The following ATP12A variants were observed in gnomAD, a reference collection of about 807,000 sequenced individuals.
ATP12A encodes ATPase H+/K+ transporting non-gastric alpha2 subunit.
A neutral mutation model predicts 111.2 loss-of-function variants in ATP12A; 81 were observed. The observed-to-expected ratio is 0.73, with a 90% CI of 0.61 to 0.88. ATP12A has a LOEUF of 0.88. Ranked by LOEUF, ATP12A falls within the 40% of genes least tolerant of loss-of-function variation. The pLI is 0.00. For synonymous variants in ATP12A, 498 were observed against 499.8 expected (o/e 1.00, Z 0.05); for missense variants, 1,196 against 1,313.1 (o/e 0.91, Z 1.38).
intron 2 of ATP12A, among the ~76,000 whole-genome samples, chr13:24,683,326 C>T (rs191550521): frequency 1.8e-3 from 272 of 152,268 alleles, no homozygotes; most frequent in Non-Finnish European, 3.2e-3. Context: ...TTGGGAACAC[C>T]GAAGGGGAAA....
chr13:24,707,871 G>C lies in ATP12A; in HGVS notation c.2493+438G>C, dbSNP rs571354900. Among the ~76,000 whole-genome samples the C allele has an allele frequency of 8.2e-4, 125 of 152,054 alleles. 2 individuals carry two copies. The highest frequency in any genetic ancestry group is 2.9e-3 in the African/African-American group (120 of 41,472). On this transcript the variant is annotated intron_variant, in intron 17 of 22. Coordinates refer to ENST00000381946, the MANE Select transcript of ATP12A (RefSeq NM_001676.7). ...TTTTTGTATTTTTAGTAGAGATGGG[G>C]TTTCCTGGCCTCAAGTGATCCACCT...
chr13:24,700,846 G>A lies in ATP12A; in HGVS notation c.1805G>A (p.Gly602Glu). Reference protein sequence around the residue: ...NFPTSNLCFVGLLSMIDPPRS... With the variant: ...NFPTSNLCFVELLSMIDPPRS... ...CCGACCTCCAACCTCTGTTTTGTGGGACTCTTGTCAATGATCGATCCCCCT... is the reference window on the plus strand; with the variant it reads ...CCGACCTCCAACCTCTGTTTTGTGGAACTCTTGTCAATGATCGATCCCCCT... The change falls in exon 13 of 23, where the codon GGA becomes GAA. Residue 602 changes from glycine to glutamate, a missense_variant. By Grantham distance (98) the Gly-to-Glu change is moderately conservative (BLOSUM62 -2). Around this residue, in one of 3 missense-constraint regions of ATP12A, gnomAD observed 1,126 missense variants for 1,228.5 expected, o/e 0.92. Coordinates refer to ENST00000381946, the MANE Select transcript of ATP12A (RefSeq NM_001676.7). The A allele has an allele frequency of 6.2e-7, 1 of 1,614,132 alleles. No individual in the cohort carries two copies. The highest frequency in any genetic ancestry group is 8.5e-7 in the Non-Finnish European group (1 of 1,180,032).
intron 12 of ATP12A, among the ~76,000 whole-genome samples, chr13:24,700,145 G>T (rs1875330260): frequency 1.3e-5 from 2 of 152,182 alleles, no homozygotes; most frequent in Admixed American, 6.5e-5. Flanking sequence ...CTCAGCCTAT[G>T]AGAGGCTGAT....
Position 24,692,893 on chromosome 13 carries a change from G to A in ATP12A, c.1374G>A (p.Met458Ile). ...FKPGQENVPI[M>I]KKAVIGDASE... ...CAGGACAGGAAAATGTCCCCATCATGAAGGTAATGCTTCTGCAGCACTTGG... is the reference window on the plus strand; with the variant it reads ...CAGGACAGGAAAATGTCCCCATCATAAAGGTAATGCTTCTGCAGCACTTGG... The change falls in exon 10 of 23, where the codon ATG becomes ATA. Residue 458 changes from methionine (M) to isoleucine (I), a missense_variant. By Grantham distance (10) the Met-to-Ile change is conservative (BLOSUM62 1). This residue lies in a region of ATP12A where 1,126 missense variants were observed against 1,228.5 expected (regional missense o/e 0.92). Coordinates refer to ENST00000381946, the MANE Select transcript of ATP12A (RefSeq NM_001676.7). The A allele has an allele frequency of 1.2e-6, 2 of 1,613,216 alleles. No homozygotes were observed. The highest frequency in any genetic ancestry group is 1.7e-6 in the Non-Finnish European group (2 of 1,179,148).
intron 6 of ATP12A, 50 bp from the exon 7 acceptor site, chr13:24,690,539 AGCATCAGTATAAGAG>A: frequency 6.2e-7 from 1 of 1,604,136 alleles, no homozygotes; most frequent in Non-Finnish European, 8.5e-7. Context: ...GGTCTTTCCC[AGCATCAGTATAAGAG>A]GCAGGGAATG....
Position 24,692,550 on chromosome 13 carries a change from C to T in ATP12A, c.1190C>T (p.Thr397Ile). 1 of 1,614,194 alleles carries T rather than the reference C, an allele frequency of 6.2e-7. No homozygotes were observed. Among genetic ancestry groups the T allele is most frequent in the Non-Finnish European group, 8.5e-7 (1 of 1,180,046 alleles). ...TGCTCGGACAAGACTGGGACACTGA[C>T]CCAGAACAGGATGACAGTGGCCCAT... Reference protein sequence around the residue: ...IICSDKTGTLTQNRMTVAHLW... With the variant: ...IICSDKTGTLIQNRMTVAHLW... Residue 397 changes from threonine to isoleucine, a missense_variant, in exon 9 of 23, where the codon ACC becomes ATC. Around this residue, in one of 3 missense-constraint regions of ATP12A, gnomAD observed 1,126 missense variants for 1,228.5 expected, o/e 0.92. Coordinates refer to ENST00000381946, the MANE Select transcript of ATP12A (RefSeq NM_001676.7).
At position 24,685,472 on chromosome 13, in the gene ATP12A, T is replaced by A. The variant is rs1874634580; in HGVS notation, c.228+99T>A. On this transcript the variant is annotated intron_variant, in intron 3 of 22. Coordinates refer to ENST00000381946, the MANE Select transcript of ATP12A (RefSeq NM_001676.7). The surrounding 1 kb of genome is among the most constrained non-coding windows in gnomAD (Gnocchi z 5.5). ...GGCTGTGTGGAAGAGTAGCGGCACC[T>A]TTAGGAGGAGGGGCCCCTGCAGCGC... The A allele has an allele frequency of 7.7e-7, 1 of 1,292,312 alleles. No individual in the cohort carries two copies. The highest frequency in any genetic ancestry group is 1.5e-5 in the African/African-American group (1 of 68,228). 80.1% of individuals were successfully genotyped at this position (1,292,312 alleles called of 1,614,324 possible). A position where few individuals can be genotyped will look rare whatever the true frequency, so the allele number is the denominator to read the frequency against.
intron 13 of ATP12A, 75 bp downstream of exon 13, chr13:24,700,997 G>T: frequency 6.6e-7 from 1 of 1,518,646 alleles, no homozygotes; most frequent in Non-Finnish European, 9.0e-7. Context: ...TTTCATAGCA[G>T]ATGGTCAGTA....
chr13:24,706,966 G>T (rs923361528), intron 15 of ATP12A, 57 bp from the exon 16 acceptor site: 7 of 1,519,462 alleles, frequency 4.6e-6, no homozygotes, highest in African/African-American at 1.4e-5. Context: ...CTCTTGCCAG[G>T]CCTGCAACCC....
At chr13:24,711,153 C>T (rs1875949882) in intron 21 of ATP12A, among the ~76,000 whole-genome samples, 165 bp from the exon 22 acceptor site, 1 of 152,236 alleles carries the variant, frequency 6.6e-6, no homozygotes. Context: ...AGTCACAGTG[C>T]AGGTTAAACA....
At chr13:24,690,885 C>T in intron 7 of ATP12A, 97 bp from the exon 8 acceptor site, 1 of 1,523,298 alleles carries the variant, frequency 6.6e-7, no homozygotes, top group East Asian at 2.3e-5. Context: ...ATGTGGTGTG[C>T]CTATCGATTG....
At chr13:24,706,194 A>G (rs1283067841) in intron 14 of ATP12A, 119 bp from the exon 15 acceptor site, 21 of 1,347,548 alleles carry the variant, frequency 1.6e-5, no homozygotes, top group Admixed American at 1.2e-4. Flanking sequence ...AGCATTAGGT[A>G]TCAAGGACAC....
Position 24,698,807 on chromosome 13 carries a change from C to T in ATP12A, c.1662C>T (p.His554=). The T allele has an allele frequency of 6.2e-7, 1 of 1,614,074 alleles. No individual in the cohort carries two copies. Among genetic ancestry groups the T allele is most frequent in the South Asian group, 1.1e-5 (1 of 91,082 alleles). Residue 554 remains histidine, a synonymous_variant, in exon 12 of 23, where the codon CAC becomes CAT. Coordinates refer to ENST00000381946, the MANE Select transcript of ATP12A (RefSeq NM_001676.7). ...ACAAGAGCACTGCCAAGACCTTCCA[C>T]ACAGCCTACATGGAGCTGGGCGGGT... ...PLDKSTAKTF[H]TAYMELGGLG... is the part of the protein sequence containing the mutation.
chr13:24,698,038 A>AT (rs568879574), intron 11 of ATP12A, among the ~76,000 whole-genome samples: 26 of 151,806 alleles, frequency 1.7e-4, no homozygotes, highest in East Asian at 1.2e-3. Flanking sequence ...TTGTATATCG[A>AT]TTTTTTTTGC....
In ATP12A at chr13:24,706,460, G is replaced by A; in HGVS notation, c.2166G>A (p.Arg722=). ...TGATCATTGTGGAGGGCTGTCAGAG[G>A]CAGGTGGGTGGACAGCAGTGTCCAG... ...QKLIIVEGCQ[R]QDAVVAVTGD... Residue 722 remains arginine (R), a synonymous_variant, in exon 15 of 23, where the codon AGG becomes AGA. Transcript: ENST00000381946. The A allele has an allele frequency of 6.2e-7, 1 of 1,613,656 alleles. No individual in the cohort carries two copies. Among genetic ancestry groups the A allele is most frequent in the Non-Finnish European group, 8.5e-7 (1 of 1,179,722 alleles).
chr13:24,696,304 A>G (rs955497737), intron 11 of ATP12A, among the ~76,000 whole-genome samples: 1 of 152,120 alleles, frequency 6.6e-6, no homozygotes, highest in African/African-American at 2.4e-5. Flanking sequence ...CTGAAGCTCC[A>G]TCTCCCAAGG....
chr13:24,681,917 T>A (rs1874453506), intron 2 of ATP12A, among the ~76,000 whole-genome samples, 197 bp downstream of exon 2: 1 of 141,204 alleles, frequency 7.1e-6, no homozygotes, highest in African/African-American at 2.7e-5. Context: ...TGTGTGTATG[T>A]GTGGTGTGTC....
At position 24,708,958 on chromosome 13, in the gene ATP12A, AAAGAAGG is replaced by A. The variant is rs1442752247; in HGVS notation, c.2494-403_2494-397del. On this transcript the variant is annotated intron_variant, in intron 17 of 22. Coordinates refer to ENST00000381946, the MANE Select transcript of ATP12A (RefSeq NM_001676.7). Reference sequence around the variant, plus strand: ...GAAAGAAAGAAAGAAAGAAAGAAAGAAAGAAGGAAAGAGAAAGAGAAATGAATGCAAA... The same window carrying A: ...GAAAGAAAGAAAGAAAGAAAGAAAGAAAAGAGAAAGAGAAATGAATGCAAA... 3.0e-3 allele frequency among the ~76,000 whole-genome samples: 335 copies of A among 111,430 alleles called. 8 individuals carry two copies. The highest frequency in any genetic ancestry group is 9.1e-3 in the African/African-American group (294 of 32,336). The allele number at this position is 111,430 out of a possible 152,430, so 73.1% of individuals were successfully genotyped here. A position where few individuals can be genotyped will look rare whatever the true frequency, so the allele number is the denominator to read the frequency against.
chr13:24,689,154 C>T, intron 4 of ATP12A, 108 bp from the exon 5 acceptor site: 1 of 831,390 alleles, frequency 1.2e-6, no homozygotes, highest in Non-Finnish European at 2.0e-6. Context: ...GTAAATTATA[C>T]CAGGGCGTAA....
Sources: allele counts gnomAD v4.1 joint callset (sites outside exome capture counted in the v4.1 genomes callset), GRCh38; gene constraint gnomAD v4.1.1; regional missense constraint gnomAD v4.1.1; non-coding constraint Gnocchi (gnomAD v3.1); transcripts MANE v1.5; gene names NCBI Gene and HGNC (gene_info 2026-07-23, HGNC 2026-07-21).